Variants in STXBP6 observed in about 807,000 individuals in gnomAD.
STXBP6 encodes syntaxin binding protein 6.
A neutral mutation model predicts 26.9 loss-of-function variants in STXBP6; 21 were observed. That is an observed-to-expected ratio of 0.78 (90% CI 0.55 to 1.12). STXBP6 has a LOEUF of 1.12. Among genes scored for constraint, STXBP6 ranks in the 50% most tolerant of loss-of-function variants. The pLI, the probability that STXBP6 is intolerant of heterozygous loss-of-function variation, is 0.00. For synonymous variants in STXBP6, 97 were observed against 92.6 expected, an observed-to-expected ratio of 1.05 and a Z score of -0.27; for missense variants, 232 against 257.9, an observed-to-expected ratio of 0.90 and a Z score of 0.69.
Position 24,967,649 on chromosome 14 carries a change from GAGTTAA to G in STXBP6, c.154+7010_154+7015del, listed in dbSNP as rs1435659701. ...TGTTTTTTTATTGCCTTGTCTTCTA[GAGTTAA>G]AGTTTTATAGCTGGATGTACACACC... On this transcript the variant is annotated intron_variant, in intron 2 of 5. Transcript: ENST00000323944. Among the ~76,000 whole-genome samples, 40 of 152,270 alleles carry G rather than the reference GAGTTAA, an allele frequency of 2.6e-4. 1 individual carries two copies. Among genetic ancestry groups the G allele is most frequent in the Admixed American group, 2.4e-3 (36 of 15,302 alleles).
intron 2 of STXBP6, among the ~76,000 whole-genome samples, chr14:24,885,402 AGG>A (rs2070542314): frequency 6.6e-6 from 1 of 152,220 alleles, no homozygotes; most frequent in African/African-American, 2.4e-5. Flanking sequence ...CAAAGGCCAC[AGG>A]GTAAACTGCT....
intron 2 of STXBP6, among the ~76,000 whole-genome samples, chr14:24,878,154 T>C (rs545576724): frequency 2.0e-5 from 3 of 152,242 alleles, no homozygotes; most frequent in Non-Finnish European, 4.4e-5. Context: ...TCTCCCAGTA[T>C]GGCATTTGTC....
At chr14:24,812,813 C>T in intron 5 of STXBP6, 81 bp from the exon 6 acceptor site, 1 of 1,355,234 alleles carries the variant, frequency 7.4e-7, no homozygotes, top group Non-Finnish European at 1.1e-6. Context: ...GCTCCCTCTC[C>T]ACCTCCACAA....
At chr14:25,045,154 C>T (rs2075705692) in intron 1 of STXBP6, among the ~76,000 whole-genome samples, 1 of 152,104 alleles carries the variant, frequency 6.6e-6, no homozygotes, top group South Asian at 2.1e-4. Context: ...GTAATGGAGT[C>T]CTAAAAGATA....
chr14:24,979,062 G>A (rs2074120269), intron 1 of STXBP6, among the ~76,000 whole-genome samples: 1 of 152,200 alleles, frequency 6.6e-6, no homozygotes, highest in African/African-American at 2.4e-5. Flanking sequence ...GGGAAGTATA[G>A]TCTACAGCCC....
At chr14:25,010,020 G>T (rs2074994657) in intron 1 of STXBP6, among the ~76,000 whole-genome samples, 1 of 152,192 alleles carries the variant, frequency 6.6e-6, no homozygotes, top group East Asian at 1.9e-4. Flanking sequence ...AAGGAAAAGA[G>T]GTCTTCAGAG....
intron 2 of STXBP6, among the ~76,000 whole-genome samples, chr14:24,879,250 TTG>T: frequency 6.6e-6 from 1 of 152,320 alleles, no homozygotes; most frequent in African/African-American, 2.4e-5. Context: ...CTATGGTCAT[TTG>T]TATCTCCTCT....
At chr14:24,910,996 C>T (rs979689113) in intron 2 of STXBP6, among the ~76,000 whole-genome samples, 1 of 152,024 alleles carries the variant, frequency 6.6e-6, no homozygotes, top group African/African-American at 2.4e-5. Context: ...CATTAAAGCT[C>T]GATATGCTTT....
intron 1 of STXBP6, among the ~76,000 whole-genome samples, chr14:25,031,127 T>A (rs1006527522): frequency 1.3e-5 from 2 of 152,206 alleles, no homozygotes; most frequent in African/African-American, 4.8e-5. Flanking sequence ...AATCTTTACA[T>A]TGATTTTAGA....
chr14:24,953,632 A>G (rs1257510191), intron 2 of STXBP6, among the ~76,000 whole-genome samples: 1 of 152,190 alleles, frequency 6.6e-6, no homozygotes, highest in Non-Finnish European at 1.5e-5. Flanking sequence ...GTTTTCTTTC[A>G]TAGAAATCAA....
chr14:24,879,155 AC>A (rs1331358333), intron 2 of STXBP6, among the ~76,000 whole-genome samples: 2 of 152,220 alleles, frequency 1.3e-5, no homozygotes, highest in African/African-American at 4.8e-5. Context: ...AAAAGAAGGA[AC>A]TTTCCATCTA....
At chr14:24,981,251 T>G (rs1053666913) in intron 1 of STXBP6, among the ~76,000 whole-genome samples, 8 of 152,020 alleles carry the variant, frequency 5.3e-5, no homozygotes, top group Admixed American at 3.9e-4. Flanking sequence ...AAACTGTAAA[T>G]TAGAATCTTC....
At chr14:24,898,963 C>T (rs991338997) in intron 2 of STXBP6, among the ~76,000 whole-genome samples, 3 of 152,208 alleles carry the variant, frequency 2.0e-5, no homozygotes, top group African/African-American at 7.2e-5. Context: ...GATTATACCA[C>T]TGGCCATTGC....
chr14:24,887,964 C>T (rs1387182808), intron 2 of STXBP6, among the ~76,000 whole-genome samples: 2 of 152,168 alleles, frequency 1.3e-5, no homozygotes, highest in Non-Finnish European at 2.9e-5. Context: ...AGCTTAGACA[C>T]ACTCATACAA....
chr14:24,930,236 T>A (rs535133819), intron 2 of STXBP6, among the ~76,000 whole-genome samples: 2 of 152,200 alleles, frequency 1.3e-5, no homozygotes, highest in Non-Finnish European at 2.9e-5. Flanking sequence ...ACTTTCCATG[T>A]CTGCACTTTC....
chr14:25,045,689 C>T (rs1015754527), intron 1 of STXBP6, among the ~76,000 whole-genome samples: 2 of 150,032 alleles, frequency 1.3e-5, no homozygotes, highest in Non-Finnish European at 3.0e-5. Flanking sequence ...CTGCAACCTT[C>T]GTCTCCCAGA....
intron 1 of STXBP6, among the ~76,000 whole-genome samples, chr14:25,040,701 G>A (rs2075629140): frequency 6.6e-6 from 1 of 152,196 alleles, no homozygotes; most frequent in African/African-American, 2.4e-5. Context: ...CTCAACATAT[G>A]TTTATTGATT....
At chr14:24,967,646 CTAGAGT>C (rs2073776637) in intron 2 of STXBP6, among the ~76,000 whole-genome samples, 2 of 152,234 alleles carry the variant, frequency 1.3e-5, no homozygotes, top group Admixed American at 1.3e-4. Flanking sequence ...GCCTTGTCTT[CTAGAGT>C]TAAAGTTTTA....
intron 2 of STXBP6, among the ~76,000 whole-genome samples, chr14:24,950,753 A>G (rs1473922188): frequency 1.3e-5 from 2 of 152,130 alleles, no homozygotes; most frequent in Non-Finnish European, 2.9e-5. Context: ...AAATTTTTTT[A>G]AAGTTGTATT....
Sources: allele counts gnomAD v4.1 joint callset (sites outside exome capture counted in the v4.1 genomes callset), GRCh38; gene constraint gnomAD v4.1.1; transcripts MANE v1.5; gene names NCBI Gene and HGNC (gene_info 2026-07-23, HGNC 2026-07-21).